The following DLG2 variants were observed in gnomAD, a reference collection of about 807,000 sequenced individuals.
DLG2 encodes disks large homolog 2.
Under a neutral mutation model 132.5 loss-of-function variants are expected in DLG2, and 45 were observed. That is an observed-to-expected ratio of 0.34 (90% CI 0.27 to 0.44). DLG2 has a LOEUF of 0.44. DLG2 is among the 20% of genes least tolerant of loss of function. The pLI is 1.00. For missense variants in DLG2, 1,045 were observed against 1,196.9 expected (o/e 0.87, Z 1.87); for synonymous variants, 424 against 419.6 (o/e 1.01, Z -0.13).
chr11:84,354,789 G>C (rs543482696), intron 7 of DLG2, among the ~76,000 whole-genome samples: 1 of 152,184 alleles, frequency 6.6e-6, no homozygotes, highest in East Asian at 1.9e-4. Context: ...AATGCGGTTT[G>C]ACTAGGTTGT....
chr11:83,706,259 T>C (rs554262398), intron 18 of DLG2, among the ~76,000 whole-genome samples: 2 of 152,044 alleles, frequency 1.3e-5, no homozygotes, highest in Admixed American at 6.6e-5. Flanking sequence ...AATTTTTACT[T>C]AAAAATTTAT....
At chr11:84,335,365 G>T (rs2098479541) in intron 7 of DLG2, among the ~76,000 whole-genome samples, 1 of 152,102 alleles carries the variant, frequency 6.6e-6, no homozygotes, top group South Asian at 2.1e-4. Flanking sequence ...ACAACATTGT[G>T]CTGGAGGATA....
chr11:84,325,250 T>G (rs900897955), intron 7 of DLG2, among the ~76,000 whole-genome samples: 25 of 152,112 alleles, frequency 1.6e-4, no homozygotes, highest in African/African-American at 5.6e-4. Flanking sequence ...CTAGGGCACA[T>G]GTGCACAAGG....
intron 16 of DLG2, among the ~76,000 whole-genome samples, chr11:83,840,820 C>T (rs1166223061): frequency 6.6e-6 from 1 of 152,188 alleles, no homozygotes; most frequent in East Asian, 1.9e-4. Flanking sequence ...TCATGTTTTT[C>T]GCTTCCATGG....
At chr11:83,692,637 T>G (rs1016632211) in intron 18 of DLG2, among the ~76,000 whole-genome samples, 7 of 152,220 alleles carry the variant, frequency 4.6e-5, no homozygotes, top group Admixed American at 1.3e-4. Flanking sequence ...TAATATGGTA[T>G]ATGAATTTAA....
chr11:83,694,759 A>G (rs1052173419), intron 18 of DLG2, among the ~76,000 whole-genome samples: 1 of 152,252 alleles, frequency 6.6e-6, no homozygotes, highest in African/African-American at 2.4e-5. Context: ...CACTTTAGCA[A>G]TTGGCAAATC....
chr11:83,916,194 A>G (rs2076892819), intron 15 of DLG2, among the ~76,000 whole-genome samples: 1 of 152,210 alleles, frequency 6.6e-6, no homozygotes, highest in Non-Finnish European at 1.5e-5. Flanking sequence ...TATTATGAAC[A>G]ATGCTGCTAT....
intron 3 of DLG2, among the ~76,000 whole-genome samples, chr11:85,301,458 A>G (rs574693424): frequency 4.5e-4 from 69 of 152,350 alleles, no homozygotes; most frequent in African/African-American, 1.6e-3. Flanking sequence ...AGACAGAGGC[A>G]TAAAATTCAG....
chr11:84,136,089 G>A (rs2094589619), intron 9 of DLG2, among the ~76,000 whole-genome samples: 1 of 152,106 alleles, frequency 6.6e-6, no homozygotes, highest in Admixed American at 6.6e-5. Context: ...AATATAAAAG[G>A]AGAAAGAATG....
chr11:84,258,340 T>G (rs972414266), intron 7 of DLG2, among the ~76,000 whole-genome samples: 1 of 152,184 alleles, frequency 6.6e-6, no homozygotes, highest in Non-Finnish European at 1.5e-5. Flanking sequence ...TTAAGGAACC[T>G]TTAATTACAC....
intron 6 of DLG2, among the ~76,000 whole-genome samples, chr11:84,996,159 G>C (rs1006366446): frequency 2.0e-5 from 3 of 151,674 alleles, no homozygotes; most frequent in Non-Finnish European, 2.9e-5. Context: ...ACTTTATGTT[G>C]TGTATTTTCA....
intron 7 of DLG2, among the ~76,000 whole-genome samples, chr11:84,371,353 G>A (rs1174530634): frequency 5.9e-5 from 9 of 151,358 alleles, no homozygotes; most frequent in African/African-American, 1.9e-4. Context: ...CCCAGGCTCA[G>A]GGGATCCTCC....
At chr11:85,472,385 TC>T in intron 3 of DLG2, among the ~76,000 whole-genome samples, 1 of 152,274 alleles carries the variant, frequency 6.6e-6, no homozygotes, top group South Asian at 2.1e-4. Context: ...CACTGCAATC[TC>T]CACCTCCCGG....
chr11:85,136,781 C>T (rs867045214), intron 5 of DLG2, among the ~76,000 whole-genome samples: 3 of 152,120 alleles, frequency 2.0e-5, no homozygotes, highest in Non-Finnish European at 2.9e-5. Flanking sequence ...CAGTCAGTGT[C>T]TATTCTAGAA....
chr11:85,522,472 T>C (rs944876962), intron 3 of DLG2, among the ~76,000 whole-genome samples: 3 of 152,118 alleles, frequency 2.0e-5, no homozygotes, highest in Non-Finnish European at 4.4e-5. Flanking sequence ...CTAGTGGAGC[T>C]GTGAGAAGAG....
chr11:85,590,129 C>G (rs1027910527), intron 3 of DLG2, among the ~76,000 whole-genome samples: 2 of 152,154 alleles, frequency 1.3e-5, no homozygotes, highest in African/African-American at 4.8e-5. Flanking sequence ...GTGTACATCT[C>G]TCTCATCACT....
intron 6 of DLG2, among the ~76,000 whole-genome samples, chr11:85,051,167 G>A (rs2062852473): frequency 6.6e-6 from 1 of 152,118 alleles, no homozygotes; most frequent in Admixed American, 6.6e-5. Flanking sequence ...TAGTGCCTCA[G>A]AACTTTAACT....
At chr11:84,963,748 C>T (rs2052926521) in intron 6 of DLG2, among the ~76,000 whole-genome samples, 1 of 152,098 alleles carries the variant, frequency 6.6e-6, no homozygotes, top group South Asian at 2.1e-4. Flanking sequence ...CATTGTCATG[C>T]TCGTGATTAT....
intron 6 of DLG2, among the ~76,000 whole-genome samples, chr11:84,927,498 C>T (rs1277059891): frequency 6.6e-6 from 1 of 151,878 alleles, no homozygotes. Context: ...AGAATTACTG[C>T]CTTAGAGCAT....
Sources: gnomAD v4.1 joint callset for allele counts (sites outside exome capture counted in the v4.1 genomes callset) on GRCh38, gnomAD v4.1.1 for gene constraint, MANE v1.5 for transcripts, NCBI Gene and HGNC (gene_info 2026-07-23, HGNC 2026-07-21) for gene names.